WWOX: variants seen among roughly 807,000 people sequenced by gnomAD.
WWOX encodes the protein WW domain containing oxidoreductase.
In WWOX, 69 loss-of-function variants were observed where a neutral mutation model predicts 46.2. That is an observed-to-expected ratio of 1.49 (90% CI 1.23 to 1.82). The LOEUF is 1.82. WWOX is among the 40% of genes most tolerant of loss of function. The probability of loss-of-function intolerance (pLI) is 0.00; values close to 1 mark genes in which losing one functional copy is unlikely to be tolerated. For synonymous variants in WWOX, 359 were observed against 202.6 expected (o/e 1.77, Z -6.56); for missense variants, 919 against 542.6 (o/e 1.69, Z -6.89).
chr16:78,948,060 C>T (rs1444657220), intron 8 of WWOX, among the ~76,000 whole-genome samples: 2 of 152,190 alleles, frequency 1.3e-5, no homozygotes, highest in Non-Finnish European at 2.9e-5. Flanking sequence ...AAGAAGGCAG[C>T]CTGTGCCGTC....
intron 8 of WWOX, among the ~76,000 whole-genome samples, chr16:79,192,212 G>A (rs1013538334): frequency 9.2e-5 from 14 of 152,196 alleles, no homozygotes; most frequent in African/African-American, 3.4e-4. Context: ...TAAAGTCTGG[G>A]TAAGCACTGT....
chr16:78,418,590 A>G (rs2082852501), intron 6 of WWOX, among the ~76,000 whole-genome samples: 2 of 152,320 alleles, frequency 1.3e-5, no homozygotes, highest in South Asian at 2.1e-4. Flanking sequence ...AGCCACATAT[A>G]CAAAGAATTG....
chr16:79,120,532 A>G (rs1204922687), intron 8 of WWOX, among the ~76,000 whole-genome samples: 2 of 152,134 alleles, frequency 1.3e-5, no homozygotes, highest in Non-Finnish European at 2.9e-5. Context: ...CTGCTGTAAT[A>G]ACGGCAAACT....
At chr16:78,126,532 G>A (rs1047090314) in intron 4 of WWOX, among the ~76,000 whole-genome samples, 13 of 152,118 alleles carry the variant, frequency 8.5e-5, no homozygotes, top group South Asian at 6.3e-4. Context: ...GATATGTATC[G>A]ATTACTAATT....
At chr16:78,942,916 C>G (rs924074796) in intron 8 of WWOX, among the ~76,000 whole-genome samples, 4 of 152,174 alleles carry the variant, frequency 2.6e-5, no homozygotes, top group African/African-American at 9.7e-5. Context: ...TGCCCATCCC[C>G]TCCTCTCTCT....
At chr16:79,143,349 T>C (rs2050125886) in intron 8 of WWOX, among the ~76,000 whole-genome samples, 2 of 152,242 alleles carry the variant, frequency 1.3e-5, no homozygotes, top group African/African-American at 4.8e-5. Context: ...ATTTGTTCTA[T>C]TAAAATGTCA....
chr16:78,099,979 C>A, intron 1 of WWOX, 94 bp downstream of exon 1: 4 of 1,515,664 alleles, frequency 2.6e-6, no homozygotes, highest in Non-Finnish European at 3.5e-6. Context: ...TCCAGCGCAG[C>A]GCGTGCGGTG....
At chr16:78,759,435 G>C (rs907832416) in intron 8 of WWOX, among the ~76,000 whole-genome samples, 1 of 152,144 alleles carries the variant, frequency 6.6e-6, no homozygotes, top group Non-Finnish European at 1.5e-5. Context: ...GTGAGAGCCT[G>C]TTGAGTTAAA....
chr16:79,192,617 A>T (rs16949853), intron 8 of WWOX, among the ~76,000 whole-genome samples: 299 of 152,280 alleles, frequency 2.0e-3, no homozygotes, highest in African/African-American at 7.0e-3. Flanking sequence ...AGCACCCCTA[A>T]AACTGATTTG....
intron 8 of WWOX, among the ~76,000 whole-genome samples, chr16:78,707,677 A>T (rs2048352640): frequency 6.6e-6 from 1 of 152,084 alleles, no homozygotes. Context: ...GAGGTCAGGC[A>T]TTCAGGACTA....
At chr16:79,028,384 C>G (rs967407540) in intron 8 of WWOX, among the ~76,000 whole-genome samples, 2 of 151,980 alleles carry the variant, frequency 1.3e-5, no homozygotes, top group South Asian at 4.1e-4. Context: ...TCCAGACATT[C>G]TACCTATGTT....
chr16:79,023,187 T>G (rs552845363), intron 8 of WWOX, among the ~76,000 whole-genome samples: 2 of 152,330 alleles, frequency 1.3e-5, no homozygotes, highest in African/African-American at 2.4e-5. Context: ...ATGGAAAGCT[T>G]GAAAGCAATT....
At chr16:79,058,364 C>A (rs901419839) in intron 8 of WWOX, among the ~76,000 whole-genome samples, 4 of 134,500 alleles carry the variant, frequency 3.0e-5, no homozygotes, top group African/African-American at 1.2e-4. Context: ...TCACATTTGG[C>A]AAGTAGTAAA....
At chr16:79,038,091 G>T (rs2047902666) in intron 8 of WWOX, among the ~76,000 whole-genome samples, 1 of 152,080 alleles carries the variant, frequency 6.6e-6, no homozygotes, top group African/African-American at 2.4e-5. Flanking sequence ...TAATTCAGAT[G>T]AGCAGTTGGG....
intron 4 of WWOX, among the ~76,000 whole-genome samples, chr16:78,117,255 C>T (rs1227593594): frequency 3.3e-5 from 5 of 152,106 alleles, no homozygotes; most frequent in East Asian, 1.9e-4. Context: ...CAAATTGTAA[C>T]GCTCAGGATG....
chr16:78,604,002 G>A (rs1040040282), intron 8 of WWOX, among the ~76,000 whole-genome samples: 2 of 152,030 alleles, frequency 1.3e-5, no homozygotes, highest in African/African-American at 4.8e-5. Flanking sequence ...AAATTAGTTG[G>A]CCATGGTGGC....
intron 8 of WWOX, among the ~76,000 whole-genome samples, chr16:78,652,652 C>T (rs2046993008): frequency 6.6e-6 from 1 of 152,128 alleles, no homozygotes; most frequent in Non-Finnish European, 1.5e-5. Context: ...TCCTCGACCA[C>T]CCATGACTCT....
At chr16:78,966,228 C>G (rs1449348245) in intron 8 of WWOX, among the ~76,000 whole-genome samples, 2 of 152,176 alleles carry the variant, frequency 1.3e-5, no homozygotes, top group Non-Finnish European at 2.9e-5. Flanking sequence ...TCTAAAGGCA[C>G]TGGTTTAAGA....
At chr16:79,155,333 G>A (rs532509045) in intron 8 of WWOX, among the ~76,000 whole-genome samples, 2 of 152,202 alleles carry the variant, frequency 1.3e-5, no homozygotes, top group East Asian at 1.9e-4. Context: ...CTGAGATCAC[G>A]CCATTGCACT....
Sources: allele counts gnomAD v4.1 joint callset (sites outside exome capture counted in the v4.1 genomes callset), GRCh38; gene constraint gnomAD v4.1.1; transcripts MANE v1.5; gene names NCBI Gene and HGNC (gene_info 2026-07-23, HGNC 2026-07-21).